The following REELD1 variants were observed in gnomAD, a reference collection of about 807,000 sequenced individuals.
REELD1 encodes the protein reeler domain containing 1.
Under a neutral mutation model 6.3 loss-of-function variants are expected in REELD1, and 12 were observed. That is an observed-to-expected ratio of 1.89 (90% CI 1.21 to 3.07). The LOEUF (loss-of-function observed/expected upper bound fraction) is 3.07. Among genes scored for constraint, REELD1 ranks in the 30% most tolerant of loss-of-function variants. The pLI is 0.00. For synonymous variants in REELD1, 57 were observed against 33.6 expected, an observed-to-expected ratio of 1.70 and a Z score of -2.42; for missense variants, 163 against 86.8, an observed-to-expected ratio of 1.88 and a Z score of -3.49.
intron 3 of REELD1, among the ~76,000 whole-genome samples, chr4:146,217,531 A>G (rs1327688518): frequency 1.3e-5 from 2 of 152,178 alleles, no homozygotes; most frequent in South Asian, 2.1e-4. Flanking sequence ...GGCACAAGCT[A>G]CCATGCCCAG....
chr4:146,223,057 C>G (rs1352524125), intron 4 of REELD1, among the ~76,000 whole-genome samples: 1 of 152,138 alleles, frequency 6.6e-6, no homozygotes, highest in Non-Finnish European at 1.5e-5. Flanking sequence ...GATGAGAGAG[C>G]CTACGTTCGC....
In REELD1 at chr4:146,230,631, T is replaced by G. The variant is rs1368652148; in HGVS notation, c.*118T>G. On this transcript the variant is annotated 3_prime_UTR_variant, in exon 8 of 8. Transcript: ENST00000623665. ...CAGGGACTCATTGTGCCTCTGTCAA[T>G]GTGCAGTTAGTGGAGGAACCCGGGA... 1 of 397,154 alleles carries G rather than the reference T, an allele frequency of 2.5e-6. No homozygotes were observed. Among genetic ancestry groups the G allele is most frequent in the South Asian group, 1.4e-4 (1 of 7,020 alleles). 24.6% of individuals were successfully genotyped at this position (397,154 alleles called of 1,614,324 possible).
intron 2 of REELD1, among the ~76,000 whole-genome samples, chr4:146,215,555 G>A (rs1578694977): frequency 1.3e-5 from 2 of 151,928 alleles, no homozygotes; most frequent in East Asian, 3.9e-4. Flanking sequence ...TTGGTTTATG[G>A]ATTATTTCCT....
Position 146,228,354 on chromosome 4 carries a change from C to A in REELD1, c.740C>A (p.Ser247Tyr). 1.4e-6 allele frequency: 1 copy of A among 702,570 alleles called. No homozygotes were observed. Among genetic ancestry groups the A allele is most frequent in the South Asian group, 1.5e-5 (1 of 67,592 alleles). The allele number at this position is 702,570 out of a possible 1,614,324, so 43.5% of individuals were successfully genotyped here. The part of the protein sequence containing the change: ...TKFPGDAETL[S>Y]QPSSHTATEG... ...TTTCCTGGGGATGCAGAGACTCTGT[C>A]CCAACCATCTTCACACACAGCCACT... The change falls in exon 6 of 8, where the codon TCC becomes TAC. Residue 247 changes from serine (S) to tyrosine (Y), a missense_variant. Coordinates refer to ENST00000623665, the MANE Select transcript of REELD1 (RefSeq NM_001354631.1).
At chr4:146,226,612 A>G (rs1731027548) in intron 5 of REELD1, among the ~76,000 whole-genome samples, 1 of 152,068 alleles carries the variant, frequency 6.6e-6, no homozygotes, top group African/African-American at 2.4e-5. Context: ...TACTAATCCC[A>G]TTCATAAGGG....
chr4:146,223,230 C>T (rs955368209), intron 4 of REELD1, among the ~76,000 whole-genome samples: 2 of 152,216 alleles, frequency 1.3e-5, no homozygotes, highest in African/African-American at 4.8e-5. Flanking sequence ...CCCACACCCT[C>T]CTAAATATGA....
chr4:146,215,962 G>A (rs1369450234), intron 2 of REELD1, among the ~76,000 whole-genome samples: 1 of 152,094 alleles, frequency 6.6e-6, no homozygotes, highest in African/African-American at 2.4e-5. Flanking sequence ...TATTGCCCAG[G>A]CTGGTCTTGA....
intron 4 of REELD1, 62 bp downstream of exon 4, chr4:146,222,641 T>G: frequency 2.5e-6 from 1 of 398,296 alleles, no homozygotes; most frequent in Non-Finnish European, 4.4e-6. Flanking sequence ...GAGGGGAGCT[T>G]CTCTTTGCCC....
Position 146,230,688 on chromosome 4 carries a change from C to G in REELD1, c.*175C>G. 1 of 392,928 alleles carries G rather than the reference C, an allele frequency of 2.5e-6. No individual in the cohort carries two copies. The highest frequency in any genetic ancestry group is 4.5e-6 in the Non-Finnish European group (1 of 222,912). 24.3% of individuals were successfully genotyped at this position (392,928 alleles called of 1,614,324 possible). On this transcript the variant is annotated 3_prime_UTR_variant, in exon 8 of 8. Coordinates refer to ENST00000623665, the MANE Select transcript of REELD1 (RefSeq NM_001354631.1). ...ACTTTCATCAACAGAGGGAGTTATT[C>G]CTGAGCTTTGTTGTCTTAACATCTG...
chr4:146,216,253 G>C (rs530887297), intron 2 of REELD1, among the ~76,000 whole-genome samples: 3 of 152,120 alleles, frequency 2.0e-5, no homozygotes, highest in Admixed American at 1.3e-4. Context: ...TTCAATCATT[G>C]TATTCTATTC....
At chr4:146,218,057 G>A (rs1395532572) in intron 3 of REELD1, among the ~76,000 whole-genome samples, 1 of 152,226 alleles carries the variant, frequency 6.6e-6, no homozygotes, top group Non-Finnish European at 1.5e-5. Flanking sequence ...AGGAAACACA[G>A]GTGAGGAAGA....
At chr4:146,216,594 G>C (rs1553942783) in intron 2 of REELD1, among the ~76,000 whole-genome samples, 1 of 152,216 alleles carries the variant, frequency 6.6e-6, no homozygotes. Flanking sequence ...TTGGGTACCA[G>C]TCAGCTTGCA....
chr4:146,229,085 A>G lies in REELD1; in HGVS notation c.969A>G (p.Glu323=), dbSNP rs1431035670. The G allele has an allele frequency of 1.0e-5, 7 of 702,158 alleles. No individual in the cohort carries two copies. Among genetic ancestry groups the G allele is most frequent in the Admixed American group, 2.0e-5 (1 of 49,974 alleles). 43.5% of individuals were successfully genotyped at this position (702,158 alleles called of 1,614,324 possible). A position where few individuals can be genotyped will look rare whatever the true frequency, so the allele number is the denominator to read the frequency against. Residue 323 remains glutamate, a synonymous_variant, in exon 7 of 8, where the codon GAA becomes GAG. Coordinates refer to ENST00000623665, the MANE Select transcript of REELD1 (RefSeq NM_001354631.1). ...LETCLSSDGG[E]QDKTKASNRT... is the part of the protein sequence containing the mutation. ...CTTGCCTGTCCTCAGATGGGGGTGA[A>G]CAGGTAAGAACCTGAACTGTGAAGT...
chr4:146,228,661 T>A lies in REELD1; in HGVS notation c.908+139T>A, dbSNP rs542235983. The A allele has an allele frequency of 5.1e-6, 3 of 593,528 alleles. No homozygotes were observed. In the East Asian group the frequency reaches 8.3e-5, roughly 16 times the overall value. The allele number at this position is 593,528 out of a possible 1,614,324, so 36.8% of individuals were successfully genotyped here. A position where few individuals can be genotyped will look rare whatever the true frequency, so the allele number is the denominator to read the frequency against. Reference sequence around the variant, plus strand: ...TGAAAAACCCAGGATGTAGCAGGGCTACTTGTCAGAAGGACTGGGTATGTT... The same window carrying A: ...TGAAAAACCCAGGATGTAGCAGGGCAACTTGTCAGAAGGACTGGGTATGTT... On this transcript the variant is annotated intron_variant, in intron 6 of 7. Transcript: ENST00000623665.
chr4:146,217,473 G>A (rs6828079), intron 3 of REELD1, among the ~76,000 whole-genome samples: 2,056 of 152,076 alleles, frequency 0.014, 48 homozygotes, highest in African/African-American at 0.047. Context: ...CGAGCTCCTG[G>A]GCTCAAGTGA....
At chr4:146,225,232 C>T (rs1560725817) in intron 5 of REELD1, among the ~76,000 whole-genome samples, 1 of 152,174 alleles carries the variant, frequency 6.6e-6, no homozygotes, top group Non-Finnish European at 1.5e-5. Flanking sequence ...CAGCTAGAGG[C>T]TGTTTGACCT....
At position 146,230,983 on chromosome 4, in the gene REELD1, C is replaced by T. The variant is rs1482348609; in HGVS notation, c.*470C>T. On this transcript the variant is annotated 3_prime_UTR_variant, in exon 8 of 8. Transcript: ENST00000623665. ...CTCACTTTGCCTTCCTAAACCACCC[C>T]CAAAGAAGTTTTCTTTTCAAAACTG... 1 of 152,338 alleles carries T rather than the reference C, an allele frequency of 6.6e-6. No homozygotes were observed. The highest frequency in any genetic ancestry group is 1.5e-5 in the Non-Finnish European group (1 of 68,152). 9.4% of individuals were successfully genotyped at this position (152,338 alleles called of 1,614,324 possible). A position where few individuals can be genotyped will look rare whatever the true frequency, so the allele number is the denominator to read the frequency against.
chr4:146,222,958 G>A (rs1049042158), intron 4 of REELD1, among the ~76,000 whole-genome samples: 27 of 152,166 alleles, frequency 1.8e-4, no homozygotes, highest in Middle Eastern at 3.4e-3. Flanking sequence ...CACGTCCCTG[G>A]GCCCAGGAAA....
At chr4:146,227,991 C>T (rs748884401) in intron 5 of REELD1, among the ~76,000 whole-genome samples, 1 of 152,098 alleles carries the variant, frequency 6.6e-6, no homozygotes, top group Non-Finnish European at 1.5e-5. Context: ...AGGCCAGGGA[C>T]TCACTCTCTA....
Sources: gnomAD v4.1 joint callset for allele counts (sites outside exome capture counted in the v4.1 genomes callset) on GRCh38, gnomAD v4.1.1 for gene constraint, MANE v1.5 for transcripts, NCBI Gene and HGNC (gene_info 2026-07-23, HGNC 2026-07-21) for gene names.